STK17A: variants seen among roughly 807,000 people sequenced by gnomAD.
STK17A encodes the protein serine/threonine kinase 17a.
STK17A carries 26 observed loss-of-function variants against 43.7 expected under a neutral mutation model. That is an observed-to-expected ratio of 0.60 (90% CI 0.44 to 0.83). The LOEUF is 0.83. Ranked by LOEUF, STK17A falls within the 40% of genes least tolerant of loss-of-function variation. The pLI is 0.00. For synonymous variants in STK17A, 191 were observed against 182.5 expected, an observed-to-expected ratio of 1.05 and a Z score of -0.38; for missense variants, 476 against 511.6, an observed-to-expected ratio of 0.93 and a Z score of 0.67.
intron 1 of STK17A, among the ~76,000 whole-genome samples, chr7:43,584,380 T>C (rs1196717556): frequency 1.3e-5 from 2 of 152,196 alleles, no homozygotes; most frequent in African/African-American, 4.8e-5. Flanking sequence ...ACTTTCCTCA[T>C]CCGTAAAATC....
chr7:43,588,402 A>G (rs1051095964), intron 1 of STK17A, among the ~76,000 whole-genome samples: 2 of 151,544 alleles, frequency 1.3e-5, no homozygotes, highest in African/African-American at 4.8e-5. Flanking sequence ...ATTTAAAACC[A>G]AGTTTGACTT....
intron 3 of STK17A, among the ~76,000 whole-genome samples, chr7:43,613,988 C>A (rs1238625835): frequency 2.0e-5 from 3 of 152,042 alleles, no homozygotes; most frequent in Non-Finnish European, 2.9e-5. Context: ...TAAACAGTCC[C>A]CCAAATTAAT....
At chr7:43,592,082 G>T (rs1197051842) in intron 1 of STK17A, among the ~76,000 whole-genome samples, 1 of 151,450 alleles carries the variant, frequency 6.6e-6, no homozygotes, top group East Asian at 1.9e-4. Flanking sequence ...CATTTCAGAC[G>T]AATTTTTTAC....
chr7:43,627,031 TCTA>T lies in STK17A; in HGVS notation c.*2190_*2192del, dbSNP rs1307182206. Among the ~76,000 whole-genome samples the T allele has an allele frequency of 2.6e-5, 4 of 152,236 alleles. No homozygotes were observed. On this transcript the variant is annotated 3_prime_UTR_variant, in exon 7 of 7. Transcript: ENST00000319357. ...TAACTGCCAGCTAGCTCTACACTTA[TCTA>T]AAGCTGTTAATGTTCCTTTTTTTCT... is the stretch of plus-strand genomic sequence containing the variant.
At chr7:43,612,142 G>A (rs971636380) in intron 3 of STK17A, among the ~76,000 whole-genome samples, 1 of 152,138 alleles carries the variant, frequency 6.6e-6, no homozygotes, top group African/African-American at 2.4e-5. Flanking sequence ...CCTTGATGAC[G>A]ATGACAGGCC....
intron 2 of STK17A, among the ~76,000 whole-genome samples, chr7:43,606,855 C>CT (rs200562237): frequency 0.015 from 2,001 of 132,786 alleles, 34 homozygotes; most frequent in African/African-American, 0.053. Context: ...AATATAGTCT[C>CT]TTTTTTTTTG....
At chr7:43,594,688 T>C (rs943526698) in intron 1 of STK17A, among the ~76,000 whole-genome samples, 3 of 152,156 alleles carry the variant, frequency 2.0e-5, no homozygotes, top group African/African-American at 7.2e-5. Flanking sequence ...AGTACCATGC[T>C]AAGCAATTGA....
intron 4 of STK17A, among the ~76,000 whole-genome samples, chr7:43,621,920 C>T (rs2083933750): frequency 6.6e-6 from 1 of 152,152 alleles, no homozygotes; most frequent in Non-Finnish European, 1.5e-5. Context: ...TACATACACA[C>T]AGAAACTGGT....
rs769608207 is a variant in STK17A, at chr7:43,596,012, T to C, written c.318T>C (p.Ile106=). 11 of 1,613,976 alleles carry C rather than the reference T, an allele frequency of 6.8e-6. No homozygotes were observed. In the East Asian group the frequency reaches 2.5e-4, roughly 36 times the overall value. The change falls in exon 2 of 7, where the codon ATT becomes ATC. Residue 106 remains isoleucine, a synonymous_variant. Transcript: ENST00000319357. The part of the protein sequence containing the change: ...RKGQDCRMEI[I]HEIAVLELAQ... ...GCCAAGATTGTCGGATGGAAATAAT[T>C]CATGAGATTGCTGTACTTGAACTAG... is the stretch of plus-strand genomic sequence containing the variant.
intron 3 of STK17A, among the ~76,000 whole-genome samples, chr7:43,618,629 CGT>C (rs1745270706): frequency 6.6e-6 from 1 of 152,240 alleles, no homozygotes; most frequent in East Asian, 1.9e-4. Flanking sequence ...TTTCAAATTT[CGT>C]GTTTTAAAAA....
chr7:43,602,644 G>A (rs193273360), intron 2 of STK17A, among the ~76,000 whole-genome samples: 39 of 152,168 alleles, frequency 2.6e-4, no homozygotes, highest in Non-Finnish European at 1.2e-4. Context: ...TCTCAGAGCC[G>A]TTTATCCTTT....
intron 1 of STK17A, among the ~76,000 whole-genome samples, chr7:43,594,891 G>A (rs34847123): frequency 0.16 from 20,337 of 129,260 alleles, 1,980 homozygotes; most frequent in Non-Finnish European, 0.23. Flanking sequence ...AAAAAAAAAA[G>A]AAAGAAAGAA....
intron 2 of STK17A, among the ~76,000 whole-genome samples, chr7:43,603,498 C>A (rs1244240236): frequency 6.6e-6 from 1 of 152,090 alleles, no homozygotes. Context: ...AAAAGTCTAG[C>A]AAAGGAAATA....
intron 1 of STK17A, among the ~76,000 whole-genome samples, chr7:43,584,953 T>C (rs1022368994): frequency 3.3e-5 from 5 of 152,276 alleles, no homozygotes. Context: ...TCCCAGCCCT[T>C]TGGGAGGCTG....
At chr7:43,620,974 G>A (rs953116164) in intron 4 of STK17A, among the ~76,000 whole-genome samples, 1 of 152,110 alleles carries the variant, frequency 6.6e-6, no homozygotes, top group South Asian at 2.1e-4. Flanking sequence ...TAGAAGAGGG[G>A]GAATGAAGAG....
At chr7:43,592,613 GC>G (rs2152970787) in intron 1 of STK17A, among the ~76,000 whole-genome samples, 1 of 151,784 alleles carries the variant, frequency 6.6e-6, no homozygotes, top group South Asian at 2.1e-4. Flanking sequence ...ATTTTGGGAG[GC>G]CGAGGTGGGT....
At chr7:43,617,419 A>G (rs1364032635) in intron 3 of STK17A, among the ~76,000 whole-genome samples, 1 of 152,228 alleles carries the variant, frequency 6.6e-6, no homozygotes, top group Non-Finnish European at 1.5e-5. Context: ...GAAATAGGCA[A>G]AGTCTAGAAA....
At chr7:43,601,862 A>G (rs1035454616) in intron 2 of STK17A, among the ~76,000 whole-genome samples, 1 of 152,264 alleles carries the variant, frequency 6.6e-6, no homozygotes, top group Non-Finnish European at 1.5e-5. Context: ...GGCTCATGGT[A>G]TAGCTTGGCA....
intron 1 of STK17A, among the ~76,000 whole-genome samples, chr7:43,587,708 T>C (rs2152970382): frequency 6.6e-6 from 1 of 151,736 alleles, no homozygotes; most frequent in Non-Finnish European, 1.5e-5. Context: ...TTGCTTTGTT[T>C]TAACACAGAT....
Sources: gnomAD v4.1 joint callset for allele counts (sites outside exome capture counted in the v4.1 genomes callset) on GRCh38, gnomAD v4.1.1 for gene constraint, MANE v1.5 for transcripts, NCBI Gene and HGNC (gene_info 2026-07-23, HGNC 2026-07-21) for gene names.